HIPK2: variants seen among roughly 807,000 people sequenced by gnomAD.
HIPK2 encodes homeodomain-interacting protein kinase 2.
A neutral mutation model predicts 113.7 loss-of-function variants in HIPK2; 27 were observed. The observed-to-expected ratio is 0.24, with a 90% CI of 0.17 to 0.33. HIPK2 has a LOEUF of 0.33. Among genes scored for constraint, HIPK2 ranks in the 10% least tolerant of loss-of-function variants. HIPK2 has a pLI of 1.00. For synonymous variants in HIPK2, 631 were observed against 642.2 expected, an observed-to-expected ratio of 0.98 and a Z score of 0.26; for missense variants, 1,257 against 1,588.0, an observed-to-expected ratio of 0.79 and a Z score of 3.54.
intron 2 of HIPK2, among the ~76,000 whole-genome samples, chr7:139,698,936 C>T (rs1794633021): frequency 6.6e-6 from 1 of 152,170 alleles, no homozygotes; most frequent in Non-Finnish European, 1.5e-5. Context: ...CAAGAAGTTA[C>T]AGCAGAGAAG....
At chr7:139,696,170 T>C (rs1328904926) in intron 2 of HIPK2, among the ~76,000 whole-genome samples, 1 of 152,176 alleles carries the variant, frequency 6.6e-6, no homozygotes, top group Non-Finnish European at 1.5e-5. Context: ...GGGTGGGGGA[T>C]GCAACTACGT....
At chr7:139,769,080 T>C (rs1160644850) in intron 1 of HIPK2, among the ~76,000 whole-genome samples, 1 of 152,188 alleles carries the variant, frequency 6.6e-6, no homozygotes, top group African/African-American at 2.4e-5. Context: ...ATCATGGTAT[T>C]GCCAATCCCA....
intron 12 of HIPK2, among the ~76,000 whole-genome samples, chr7:139,591,558 G>C (rs1347404840): frequency 2.0e-5 from 3 of 152,200 alleles, no homozygotes; most frequent in Non-Finnish European, 4.4e-5. Context: ...GCTTTGTAAT[G>C]TGACAGCAGC....
chr7:139,687,524 T>C (rs1388196598), intron 2 of HIPK2, among the ~76,000 whole-genome samples: 1 of 152,240 alleles, frequency 6.6e-6, no homozygotes, highest in Non-Finnish European at 1.5e-5. Context: ...CAGACTAACA[T>C]AGTAAATACA....
At chr7:139,692,383 C>T (rs1237320547) in intron 2 of HIPK2, among the ~76,000 whole-genome samples, 6 of 152,156 alleles carry the variant, frequency 3.9e-5, no homozygotes, top group South Asian at 2.1e-4. Context: ...AGGCCCTCCC[C>T]GAGAGCCTGC....
At position 139,613,230 on chromosome 7, in the gene HIPK2, A is replaced by G; in HGVS notation, c.2084T>C (p.Leu695Pro). The G allele has an allele frequency of 6.2e-7, 1 of 1,613,940 alleles. No homozygotes were observed. The highest frequency in any genetic ancestry group is 8.5e-7 in the Non-Finnish European group (1 of 1,179,856). The part of the protein sequence containing the change: ...IVTQAPGAQP[L>P]QIQPGLLAQQ... ...GGCAAGCAGACCTGGTTGGATCTGA[A>G]GAGGCTGAGCTCCTGGGGCTTGAGT... The change falls in exon 9 of 15, where the codon CTT becomes CCT. Residue 695 changes from leucine (L) to proline (P), a missense_variant. This residue lies in a region of HIPK2 where 862 missense variants were observed against 1,004.3 expected (regional missense o/e 0.86). Transcript: ENST00000406875. This position sits in a 1 kb window ranked among gnomAD's most constrained non-coding sequence, Gnocchi z 4.2.
intron 13 of HIPK2, among the ~76,000 whole-genome samples, chr7:139,575,598 T>C (rs1323601649): frequency 1.3e-5 from 2 of 152,192 alleles, no homozygotes; most frequent in Non-Finnish European, 2.9e-5. Flanking sequence ...GTGCCGTTCC[T>C]CTGGGAGGTG....
intron 1 of HIPK2, among the ~76,000 whole-genome samples, chr7:139,719,101 A>G (rs1795330323): frequency 6.6e-6 from 1 of 152,016 alleles, no homozygotes; most frequent in South Asian, 2.1e-4. Context: ...GTCTGATTGC[A>G]CACTGTGTGC....
intron 1 of HIPK2, among the ~76,000 whole-genome samples, chr7:139,737,352 T>C (rs1452005749): frequency 6.6e-6 from 1 of 152,182 alleles, no homozygotes; most frequent in Non-Finnish European, 1.5e-5. Flanking sequence ...CTAAGAATTA[T>C]TAAGGGATGG....
chr7:139,762,001 T>G (rs1796473451), intron 1 of HIPK2, among the ~76,000 whole-genome samples: 1 of 152,200 alleles, frequency 6.6e-6, no homozygotes, highest in Non-Finnish European at 1.5e-5. Context: ...GCCTTTATTT[T>G]CTAATTTCCT....
rs538220148 is a variant in HIPK2, at chr7:139,766,511, C to T, written c.19+11094G>A. On this transcript the variant is annotated intron_variant, in intron 1 of 14. Transcript: ENST00000406875. ...AATGGAACAAGAGTGTCACAGAAAT[C>T]TGTGTTAGCACCTTCGGTCTCCAGC... 7.2e-5 allele frequency among the ~76,000 whole-genome samples: 11 copies of T among 152,308 alleles called. No individual in the cohort carries two copies. The East Asian group carries it at 2.1e-3, about 29-fold the overall frequency.
intron 2 of HIPK2, among the ~76,000 whole-genome samples, chr7:139,707,070 G>A: frequency 6.6e-6 from 1 of 152,216 alleles, no homozygotes; most frequent in African/African-American, 2.4e-5. Context: ...CCCTTCCCAG[G>A]CACACTCCTG....
intron 2 of HIPK2, among the ~76,000 whole-genome samples, chr7:139,708,784 T>C (rs1294511103): frequency 1.3e-5 from 2 of 152,216 alleles, no homozygotes. Context: ...CGTGTGTGCA[T>C]TATCAGTAGC....
chr7:139,581,690 G>A (rs1483862371), intron 13 of HIPK2, among the ~76,000 whole-genome samples: 3 of 152,182 alleles, frequency 2.0e-5, no homozygotes, highest in Non-Finnish European at 4.4e-5. Context: ...CTGGGCTCCA[G>A]GGAGCTGAGG....
At chr7:139,715,176 C>T (rs1162790637) in intron 2 of HIPK2, among the ~76,000 whole-genome samples, 3 of 152,190 alleles carry the variant, frequency 2.0e-5, no homozygotes, top group Non-Finnish European at 4.4e-5. Flanking sequence ...GCGGCTGGCA[C>T]ATATTAAAAG....
intron 2 of HIPK2, among the ~76,000 whole-genome samples, chr7:139,665,786 C>T (rs1457147521): frequency 6.6e-6 from 1 of 152,212 alleles, no homozygotes; most frequent in Non-Finnish European, 1.5e-5. Flanking sequence ...CCTAGCTAAT[C>T]TGACCCAGAT....
At chr7:139,762,551 A>G (rs1796483571) in intron 1 of HIPK2, among the ~76,000 whole-genome samples, 1 of 152,202 alleles carries the variant, frequency 6.6e-6, no homozygotes, top group Non-Finnish European at 1.5e-5. Context: ...CTTTGACAAT[A>G]CGGATACACG....
chr7:139,692,226 A>G (rs1377949345), intron 2 of HIPK2, among the ~76,000 whole-genome samples: 1 of 152,208 alleles, frequency 6.6e-6, no homozygotes, highest in East Asian at 1.9e-4. Flanking sequence ...ATTTAATAAC[A>G]TTTGAAGCTC....
At chr7:139,731,989 CTGGAGTG>C (rs1227903523) in intron 1 of HIPK2, among the ~76,000 whole-genome samples, 4 of 151,892 alleles carry the variant, frequency 2.6e-5, no homozygotes, top group African/African-American at 4.8e-5. Context: ...AGGAAGAAAG[CTGGAGTG>C]TGGGGAAAGT....
Sources: allele counts gnomAD v4.1 joint callset (sites outside exome capture counted in the v4.1 genomes callset), GRCh38; gene constraint gnomAD v4.1.1; regional missense constraint gnomAD v4.1.1; non-coding constraint Gnocchi (gnomAD v3.1); transcripts MANE v1.5; gene names NCBI Gene and HGNC (gene_info 2026-07-23, HGNC 2026-07-21).